ATP2C1: variants seen among roughly 807,000 people sequenced by gnomAD.
ATP2C1 encodes ATPase secretory pathway Ca2+ transporting 1, also known as calcium-transporting ATPase type 2C member 1.
Under a neutral mutation model 120.5 loss-of-function variants are expected in ATP2C1, and 31 were observed. That is an observed-to-expected ratio of 0.26 (90% CI 0.19 to 0.35). ATP2C1 has a LOEUF of 0.35. Ranked by LOEUF, ATP2C1 falls within the 10% of genes least tolerant of loss-of-function variation. The pLI, the probability that ATP2C1 is intolerant of heterozygous loss-of-function variation, is 1.00. For missense variants in ATP2C1, 731 were observed against 1,107.5 expected, an observed-to-expected ratio of 0.66 and a Z score of 4.83; for synonymous variants, 351 against 358.7, an observed-to-expected ratio of 0.98 and a Z score of 0.24.
chr3:130,929,744 A>G (rs1306294693), intron 2 of ATP2C1: 3 of 154,860 alleles, frequency 1.9e-5, no homozygotes, highest in African/African-American at 7.2e-5. Flanking sequence ...TTCTGTAGCT[A>G]TAGATAATTA....
chr3:130,934,806 A>AT, intron 5 of ATP2C1, 95 bp downstream of exon 5: 2 of 856,122 alleles, frequency 2.3e-6, no homozygotes, highest in Non-Finnish European at 3.8e-6. Flanking sequence ...GTGCTCTCAG[A>AT]TTTTTTTCAG....
At chr3:130,883,536 C>T (rs2068855602) in intron 1 of ATP2C1, among the ~76,000 whole-genome samples, 1 of 151,688 alleles carries the variant, frequency 6.6e-6, no homozygotes, top group African/African-American at 2.4e-5. Flanking sequence ...ACTGCAACAT[C>T]TGCCTCCCAG....
chr3:130,939,294 C>A (rs950954614), intron 6 of ATP2C1, among the ~76,000 whole-genome samples: 1 of 152,016 alleles, frequency 6.6e-6, no homozygotes, highest in East Asian at 1.9e-4. Context: ...CTTAAGAGGG[C>A]TTTTTATATT....
intron 12 of ATP2C1, chr3:130,963,367 T>G (rs1026416848): frequency 1.7e-4 from 26 of 155,818 alleles, no homozygotes; most frequent in African/African-American, 6.3e-4. Flanking sequence ...TCTATGGATT[T>G]GCCTATTCTA....
At chr3:130,882,771 G>C (rs1353933405) in intron 1 of ATP2C1, among the ~76,000 whole-genome samples, 1 of 152,080 alleles carries the variant, frequency 6.6e-6, no homozygotes, top group Non-Finnish European at 1.5e-5. Context: ...TTTCATTGAG[G>C]ATTTTTGCAT....
chr3:130,983,514 T>G (rs940701210), intron 20 of ATP2C1, among the ~76,000 whole-genome samples: 1 of 152,246 alleles, frequency 6.6e-6, no homozygotes, highest in Non-Finnish European at 1.5e-5. Flanking sequence ...AGGTTTACTT[T>G]TTGTGTTGTA....
chr3:130,873,168 C>T lies in ATP2C1; in HGVS notation c.108+22240C>T, dbSNP rs147916613. On this transcript the variant is annotated intron_variant, in intron 1 of 26. Coordinates refer to the ATP2C1 transcript ENST00000504381. ...TTGAAAGAGGCAAGAATTTAACAAA[C>T]AAAATGATAAACTACAAAAGGTAAC... Among the ~76,000 whole-genome samples the T allele has an allele frequency of 3.3e-5, 5 of 152,228 alleles. No homozygotes were observed. In the East Asian group the frequency reaches 9.6e-4, roughly 29 times the overall value.
intron 1 of ATP2C1, among the ~76,000 whole-genome samples, chr3:130,861,064 G>A (rs1009810540): frequency 3.3e-5 from 5 of 152,176 alleles, no homozygotes; most frequent in African/African-American, 9.7e-5. Flanking sequence ...GAGGTCAGGA[G>A]TTCAAAACCA....
In ATP2C1 at chr3:130,986,923, G is replaced by GT. The variant is rs372347275; in HGVS notation, c.1840-6026dup. Among the ~76,000 whole-genome samples, 23 of 2,502 alleles carry GT rather than the reference G, an allele frequency of 9.2e-3. No homozygotes were observed. In the South Asian group the frequency reaches 0.17, roughly 19 times the overall value. 1.6% of individuals were successfully genotyped at this position (2,502 alleles called of 152,430 possible). A position where few individuals can be genotyped will look rare whatever the true frequency, so the allele number is the denominator to read the frequency against. ...GTTTAGTTTAGTTTAGTTTAGTTTA[G>GT]TTAGTTTAGTTTAGTTTAGTTTAGT... On this transcript the variant is annotated intron_variant, in intron 20 of 27. Transcript: ENST00000510168.
At chr3:130,986,728 A>G (rs1017382674) in intron 20 of ATP2C1, among the ~76,000 whole-genome samples, 1 of 152,088 alleles carries the variant, frequency 6.6e-6, no homozygotes, top group South Asian at 2.1e-4. Flanking sequence ...CTTTTCTCCA[A>G]ATATTATTAG....
At chr3:130,953,109 G>A (rs544387678) in intron 8 of ATP2C1, among the ~76,000 whole-genome samples, 1 of 146,528 alleles carries the variant, frequency 6.8e-6, no homozygotes, top group African/African-American at 2.7e-5. Context: ...ATGTATGTAT[G>A]TATGTATATA....
At chr3:130,934,914 G>A (rs1052416213) in intron 5 of ATP2C1, among the ~76,000 whole-genome samples, 1 of 152,024 alleles carries the variant, frequency 6.6e-6, no homozygotes, top group Non-Finnish European at 1.5e-5. Flanking sequence ...ACTCACTGCA[G>A]CCCCGAACTC....
In ATP2C1 at chr3:131,001,389, A is replaced by G; in HGVS notation, c.*39A>G. On this transcript the variant is annotated 3_prime_UTR_variant, in exon 28 of 28. Coordinates refer to ENST00000510168, the MANE Select transcript of ATP2C1 (RefSeq NM_001378687.1). ...ATTTTATTTGCAAACTAGGAATTGC[A>G]GTCTGAGGATCATTTAGAAGGGCAA... 2.5e-6 allele frequency: 4 copies of G among 1,606,432 alleles called. No individual in the cohort carries two copies. Among genetic ancestry groups the G allele is most frequent in the Non-Finnish European group, 3.4e-6 (4 of 1,175,798 alleles).
intron 26 of ATP2C1, among the ~76,000 whole-genome samples, chr3:131,008,948 C>T (rs2063214297): frequency 6.6e-6 from 1 of 152,190 alleles, no homozygotes; most frequent in Non-Finnish European, 1.5e-5. Context: ...CTTGTTCTTA[C>T]AGTGGCTGGA....
intron 2 of ATP2C1, among the ~76,000 whole-genome samples, chr3:130,895,113 G>A (rs1183504367): frequency 6.6e-6 from 1 of 152,138 alleles, no homozygotes; most frequent in Non-Finnish European, 1.5e-5. Flanking sequence ...GAGGGGAAGT[G>A]GAAATGGGGG....
At chr3:130,874,615 C>G (rs995984319) in intron 1 of ATP2C1, among the ~76,000 whole-genome samples, 12 of 152,176 alleles carry the variant, frequency 7.9e-5, no homozygotes, top group Non-Finnish European at 1.3e-4. Flanking sequence ...TATTATCTCA[C>G]ATTAGAGGAA....
intron 12 of ATP2C1, among the ~76,000 whole-genome samples, chr3:130,960,328 C>T (rs191417926): frequency 1.1e-4 from 17 of 152,300 alleles, no homozygotes; most frequent in Non-Finnish European, 2.1e-4. Flanking sequence ...TAGCAATTCA[C>T]TCAAGTACAA....
intron 26 of ATP2C1, among the ~76,000 whole-genome samples, chr3:131,008,628 T>C (rs753554160): frequency 1.5e-4 from 23 of 152,322 alleles, no homozygotes; most frequent in African/African-American, 5.5e-4. Context: ...ATATGACCTG[T>C]AAAGCCTAAA....
intron 2 of ATP2C1, among the ~76,000 whole-genome samples, chr3:130,904,745 C>T (rs1233110030): frequency 5.9e-5 from 9 of 152,022 alleles, no homozygotes; most frequent in African/African-American, 2.2e-4. Flanking sequence ...TGGTTCTTAA[C>T]TGGCAGCAGT....
Sources: allele counts gnomAD v4.1 joint callset (sites outside exome capture counted in the v4.1 genomes callset), GRCh38; gene constraint gnomAD v4.1.1; transcripts MANE v1.5; gene names NCBI Gene and HGNC (gene_info 2026-07-23, HGNC 2026-07-21).